SP100: variants seen among roughly 807,000 people sequenced by gnomAD.
SP100 encodes the protein SP100 nuclear body protein, also known as nuclear autoantigen Sp-100.
Under a neutral mutation model 130.0 loss-of-function variants are expected in SP100, and 84 were observed. That is an observed-to-expected ratio of 0.65 (90% CI 0.54 to 0.77). SP100 has a LOEUF of 0.77. Among genes scored for constraint, SP100 ranks in the 30% least tolerant of loss-of-function variants. The pLI is 0.00. For missense variants in SP100, 978 were observed against 1,052.2 expected (o/e 0.93, Z 0.97); for synonymous variants, 331 against 351.7 (o/e 0.94, Z 0.66).
At chr2:230,506,782 TACACACACACACACACACACACAC>T in intron 22 of SP100, 1 of 181,506 alleles carries the variant, frequency 5.5e-6, no homozygotes, top group South Asian at 1.1e-4. Flanking sequence ...AAATGTTAAA[TACACACACACACACACACACACAC>T]ACACACACAC....
intron 17 of SP100, among the ~76,000 whole-genome samples, chr2:230,489,647 A>AT (rs1432933304): frequency 6.6e-6 from 1 of 152,164 alleles, no homozygotes; most frequent in Non-Finnish European, 1.5e-5. Flanking sequence ...CGATGTGGGC[A>AT]TTTAGTGCTA....
At chr2:230,428,227 CA>C (rs1029657674) in intron 2 of SP100, among the ~76,000 whole-genome samples, 3 of 150,848 alleles carry the variant, frequency 2.0e-5, no homozygotes, top group South Asian at 2.1e-4. Context: ...GACTCTGTCT[CA>C]AAAAAAATAA....
rs978270679 is a variant in SP100, at chr2:230,543,431, C to T, written c.*485C>T. The T allele has an allele frequency of 1.3e-5, 2 of 152,184 alleles. No homozygotes were observed. The highest frequency in any genetic ancestry group is 4.8e-5 in the African/African-American group (2 of 41,428). 9.4% of individuals were successfully genotyped at this position (152,184 alleles called of 1,614,324 possible). ...ACCCCCTAGTCTCAGCCCAGAAGCT[C>T]CTTCTGCTGATAAACAATTTCAGAG... On this transcript the variant is annotated 3_prime_UTR_variant, in exon 29 of 29. Transcript: ENST00000340126.
In SP100 at chr2:230,476,550, T is replaced by C. The variant is rs73998820; in HGVS notation, c.1600+2103T>C. On this transcript the variant is annotated intron_variant, in intron 17 of 28. Transcript: ENST00000340126. ...CTTGCTTTTCATTCTGATTTGAAAA[T>C]AGATGTTCTTGTGAACATTGGTGTC... is the stretch of plus-strand genomic sequence containing the variant. Among the ~76,000 whole-genome samples the C allele has an allele frequency of 6.6e-3, 1,006 of 152,326 alleles. 15 individuals carry two copies. Among genetic ancestry groups the C allele is most frequent in the African/African-American group, 0.023 (947 of 41,582 alleles).
intron 9 of SP100, among the ~76,000 whole-genome samples, chr2:230,461,881 G>A (rs767781258): frequency 5.9e-5 from 9 of 151,760 alleles, no homozygotes; most frequent in African/African-American, 1.9e-4. Flanking sequence ...CCTGGGATGC[G>A]GAAGTTGCAG....
chr2:230,462,647 G>C, intron 10 of SP100, 129 bp downstream of exon 10: 1 of 724,236 alleles, frequency 1.4e-6, no homozygotes, highest in Non-Finnish European at 2.4e-6. Flanking sequence ...CCCATTCTTT[G>C]CATTAATTTT....
chr2:230,493,136 A>C (rs2066476527), intron 17 of SP100, among the ~76,000 whole-genome samples: 1 of 152,164 alleles, frequency 6.6e-6, no homozygotes, highest in Non-Finnish European at 1.5e-5. Context: ...TTTTTCATCA[A>C]GTATTTATTC....
chr2:230,522,328 C>A (rs1691209823), intron 24 of SP100, among the ~76,000 whole-genome samples: 1 of 151,816 alleles, frequency 6.6e-6, no homozygotes, highest in South Asian at 2.1e-4. Flanking sequence ...CTGTTTAGCC[C>A]CAATATTCTT....
In SP100 at chr2:230,444,278, C is replaced by G; in HGVS notation, c.371C>G (p.Ala124Gly). 6.2e-7 allele frequency: 1 copy of G among 1,613,770 alleles called. No homozygotes were observed. Among genetic ancestry groups the G allele is most frequent in the Non-Finnish European group, 8.5e-7 (1 of 1,179,682 alleles). ...ACATTTAACCTGCCAGTTCTGGAAG[C>G]ACTGTTCAGCGATGTCAACATGCAG... ...EKTFNLPVLE[A>G]LFSDVNMQEY... The change falls in exon 4 of 29, where the codon GCA becomes GGA. Residue 124 changes from alanine (A) to glycine (G), a missense_variant. Ala to Gly is a moderately conservative substitution (Grantham distance 60). Coordinates refer to ENST00000340126, the MANE Select transcript of SP100 (RefSeq NM_001080391.2).
chr2:230,524,659 G>A (rs567838337), intron 24 of SP100, among the ~76,000 whole-genome samples: 2 of 152,266 alleles, frequency 1.3e-5, no homozygotes, highest in East Asian at 1.9e-4. Context: ...AAGTTTTTGT[G>A]TAATTTAAAA....
chr2:230,518,125 C>A (rs1313096260), intron 24 of SP100, among the ~76,000 whole-genome samples: 1 of 151,804 alleles, frequency 6.6e-6, no homozygotes, highest in Non-Finnish European at 1.5e-5. Context: ...AGACTTTTTT[C>A]TCATGCAAAA....
At position 230,544,081 on chromosome 2, in the gene SP100, G is replaced by A. The variant is rs1350851006; in HGVS notation, c.*1135G>A. ...ACTCCCTATTTTATAAATGGTGCTG[G>A]GATAACTGGGATAGAAGATTGAAGC... On this transcript the variant is annotated 3_prime_UTR_variant, in exon 29 of 29. Transcript: ENST00000340126. 1 of 152,020 alleles carries A rather than the reference G, an allele frequency of 6.6e-6. No homozygotes were observed. The highest frequency in any genetic ancestry group is 1.5e-5 in the Non-Finnish European group (1 of 68,008). 9.4% of individuals were successfully genotyped at this position (152,020 alleles called of 1,614,324 possible).
intron 17 of SP100, among the ~76,000 whole-genome samples, chr2:230,489,291 T>A (rs1461551165): frequency 6.6e-6 from 1 of 152,206 alleles, no homozygotes; most frequent in Admixed American, 6.5e-5. Context: ...TCTTCTAGAT[T>A]TTCTAGTTTA....
chr2:230,519,871 G>T (rs183340221), intron 24 of SP100, among the ~76,000 whole-genome samples: 2,165 of 152,230 alleles, frequency 0.014, 23 homozygotes, highest in Non-Finnish European at 0.022. Context: ...ACCATCCCGG[G>T]TTACATGGGT....
chr2:230,468,201 C>G (rs940948200), intron 13 of SP100, among the ~76,000 whole-genome samples: 1 of 152,148 alleles, frequency 6.6e-6, no homozygotes, highest in Admixed American at 6.5e-5. Flanking sequence ...GGAGACAAGA[C>G]TAACAACCCA....
At chr2:230,428,816 C>T (rs1455808732) in intron 2 of SP100, among the ~76,000 whole-genome samples, 5 of 152,180 alleles carry the variant, frequency 3.3e-5, no homozygotes, top group Admixed American at 2.0e-4. Context: ...GGAAATGCAC[C>T]CCCATGATCC....
intron 2 of SP100, among the ~76,000 whole-genome samples, chr2:230,437,276 A>C (rs543106743): frequency 6.6e-6 from 1 of 152,004 alleles, no homozygotes; most frequent in East Asian, 1.9e-4. Context: ...AAGTTGAACT[A>C]TTTTTTTGTT....
intron 15 of SP100, among the ~76,000 whole-genome samples, chr2:230,472,210 C>T (rs975116112): frequency 5.9e-5 from 9 of 151,874 alleles, no homozygotes; most frequent in Admixed American, 4.6e-4. Flanking sequence ...GGGCGGATCA[C>T]GAGGTCAGGA....
chr2:230,483,224 G>A (rs1046772081), intron 17 of SP100, among the ~76,000 whole-genome samples: 1 of 152,204 alleles, frequency 6.6e-6, no homozygotes, highest in Admixed American at 6.6e-5. Flanking sequence ...AATAATGGAG[G>A]TGTACAGTGA....
Sources: gnomAD v4.1 joint callset for allele counts (sites outside exome capture counted in the v4.1 genomes callset) on GRCh38, gnomAD v4.1.1 for gene constraint, MANE v1.5 for transcripts, NCBI Gene and HGNC (gene_info 2026-07-23, HGNC 2026-07-21) for gene names.